The following MACF1 variants were observed in gnomAD, a reference collection of about 807,000 sequenced individuals.
MACF1 encodes the protein microtubule-actin cross-linking factor 1.
A neutral mutation model predicts 854.8 loss-of-function variants in MACF1; 193 were observed. The observed-to-expected ratio is 0.23, with a 90% confidence interval of 0.20 to 0.25. The LOEUF is 0.25. MACF1 is among the 10% of genes least tolerant of loss of function. MACF1 has a pLI of 1.00. For missense variants in MACF1, 7,722 were observed against 8,929.1 expected (o/e 0.86, Z 5.45); for synonymous variants, 3,185 against 3,226.7 (o/e 0.99, Z 0.44).
chr1:39,254,075 G>A, intron 4 of MACF1: 2 of 505,324 alleles, frequency 4.0e-6, no homozygotes, highest in Non-Finnish European at 7.1e-6. Context: ...TTCTGTGTTT[G>A]CGAGATGCGT....
chr1:39,179,666 G>T (rs1428035867), intron 2 of MACF1, among the ~76,000 whole-genome samples: 1 of 152,138 alleles, frequency 6.6e-6, no homozygotes, highest in Non-Finnish European at 1.5e-5. Context: ...GACTGTCTCG[G>T]TTAGCCTTTT....
intron 2 of MACF1, among the ~76,000 whole-genome samples, chr1:39,091,077 A>C (rs116773782): frequency 0.029 from 4,450 of 152,310 alleles, 112 homozygotes; most frequent in Non-Finnish European, 0.049. Context: ...GCTACAGGGA[A>C]GGTCTGAAGC....
intron 2 of MACF1, among the ~76,000 whole-genome samples, chr1:39,198,336 C>CT (rs751670406): frequency 1.6e-4 from 25 of 151,952 alleles, no homozygotes; most frequent in Non-Finnish European, 3.5e-4. Flanking sequence ...TGGTGAAACT[C>CT]TGACTCTACT....
At position 39,452,203 on chromosome 1, in the gene MACF1, G is replaced by T. The variant is rs1438641356; in HGVS notation, c.20466G>T (p.Leu6822=). 1.2e-5 allele frequency: 19 copies of T among 1,614,024 alleles called. No individual in the cohort carries two copies. Among genetic ancestry groups the T allele is most frequent in the Non-Finnish European group, 1.6e-5 (19 of 1,179,982 alleles). The change falls in exon 86 of 101, where the codon CTG becomes CTT. Residue 6822 remains leucine, a synonymous_variant. Transcript: ENST00000564288. ...LGKRTGTVQV[L]KRSGRELIEN... is the part of the protein sequence containing the mutation. The stretch of plus-strand genomic sequence containing the variant: ...AGCGAACAGGAACCGTTCAGGTCCT[G>T]AAGCGGTCAGGCCGAGAGCTGATTG...
chr1:39,395,839 C>T (rs1483043292), intron 58 of MACF1, among the ~76,000 whole-genome samples: 1 of 152,150 alleles, frequency 6.6e-6, no homozygotes, highest in Non-Finnish European at 1.5e-5. Flanking sequence ...GAACCTTTTC[C>T]AGCTCCCTTT....
chr1:39,385,923 C>G lies in MACF1; in HGVS notation c.14338C>G (p.Leu4780Val), dbSNP rs1293163192. 2 of 1,603,478 alleles carry G rather than the reference C, an allele frequency of 1.2e-6. No individual in the cohort carries two copies. The highest frequency in any genetic ancestry group is 2.2e-5 in the East Asian group (1 of 44,692). The change falls in exon 57 of 101, where the codon CTT (leucine) becomes GTT (valine). Residue 4780 changes from leucine to valine, a missense_variant. Leu to Val is a conservative substitution (Grantham distance 32). This residue lies in a region of MACF1 where 2,807 missense variants were observed against 3,235.8 expected (regional missense o/e 0.87). Transcript: ENST00000564288. ...CCTGCCTCTCCAAGGTTTAGAAGAC[C>G]TTGCAGGTAAGTTGGGGTGAAGAAC... ...VALPLQGLED[L>V]AADRINRLQA... is the part of the protein sequence containing the mutation.
At chr1:39,096,171 G>A (rs1363342992) in intron 2 of MACF1, among the ~76,000 whole-genome samples, 1 of 133,850 alleles carries the variant, frequency 7.5e-6, no homozygotes, top group Non-Finnish European at 1.6e-5. Flanking sequence ...GTGACACAGT[G>A]AGACCCTGTC....
chr1:39,298,254 A>G (rs1445811514), intron 21 of MACF1, among the ~76,000 whole-genome samples: 3 of 152,284 alleles, frequency 2.0e-5, no homozygotes, highest in South Asian at 4.1e-4. Flanking sequence ...TTAAAATCTT[A>G]TTTAGATGTA....
intron 2 of MACF1, among the ~76,000 whole-genome samples, chr1:39,139,730 A>G (rs1227349307): frequency 1.3e-5 from 2 of 152,182 alleles, no homozygotes; most frequent in Non-Finnish European, 1.5e-5. Context: ...AAGTTATATC[A>G]TCTTTCTGAA....
In MACF1 at chr1:39,486,571, G is replaced by T. The variant is rs1645103001; in HGVS notation, c.*777G>T. 1 of 152,600 alleles carries T rather than the reference G, an allele frequency of 6.6e-6. No individual in the cohort carries two copies. The highest frequency in any genetic ancestry group is 6.5e-5 in the Admixed American group (1 of 15,290). The allele number at this position is 152,600 out of a possible 1,614,324, so 9.5% of individuals were successfully genotyped here. On this transcript the variant is annotated 3_prime_UTR_variant, in exon 101 of 101. Transcript: ENST00000564288. The stretch of plus-strand genomic sequence containing the variant: ...ACCAGGACCCAGACCCTTGGCAAGG[G>T]ATAGGCTCGTTGGTGACATTGTGAA...
At chr1:39,113,141 C>T (rs1162055984) in intron 2 of MACF1, among the ~76,000 whole-genome samples, 4 of 152,130 alleles carry the variant, frequency 2.6e-5, no homozygotes, top group African/African-American at 4.8e-5. Context: ...ACTGGCATTC[C>T]AGACCCTCCT....
chr1:39,191,930 C>T (rs1432011162), intron 2 of MACF1, among the ~76,000 whole-genome samples: 1 of 152,116 alleles, frequency 6.6e-6, no homozygotes, highest in Non-Finnish European at 1.5e-5. Context: ...GCAGGTGGAT[C>T]ACTTGAGGCC....
intron 2 of MACF1, among the ~76,000 whole-genome samples, chr1:39,102,058 C>G (rs1246778693): frequency 2.6e-5 from 4 of 151,732 alleles, no homozygotes; most frequent in African/African-American, 4.8e-5. Flanking sequence ...CGCCTGTAGT[C>G]CCAGCTACTC....
intron 6 of MACF1, among the ~76,000 whole-genome samples, chr1:39,276,627 T>A (rs1029277325): frequency 6.6e-6 from 1 of 152,190 alleles, no homozygotes; most frequent in Admixed American, 6.5e-5. Context: ...GATGAGTTTA[T>A]ATGGTACTTC....
At chr1:39,432,401 C>A in intron 66 of MACF1, 134 bp from the exon 67 acceptor site, 1 of 645,214 alleles carries the variant, frequency 1.5e-6, no homozygotes, top group Non-Finnish European at 2.5e-6. Context: ...GAAATTCTTC[C>A]CAGTTTTGAC....
In MACF1 at chr1:39,322,613, T is replaced by C; in HGVS notation, c.4035T>C (p.Tyr1345=). 6.2e-7 allele frequency: 1 copy of C among 1,613,322 alleles called. No individual in the cohort carries two copies. The highest frequency in any genetic ancestry group is 8.5e-7 in the Non-Finnish European group (1 of 1,179,262). The change falls in exon 32 of 101, where the codon TAT becomes TAC. Residue 1345 remains tyrosine (Y), a synonymous_variant. Transcript: ENST00000564288. ...CGAAATTCATCCTTTCCTAGGACTA[T>C]GAATTGCAACTGATGACATACAAGG... ...SQQYSTIVKD[Y]ELQLMTYKAF...
intron 2 of MACF1, among the ~76,000 whole-genome samples, chr1:39,092,195 CT>C (rs1430489192): frequency 2.0e-5 from 3 of 152,200 alleles, no homozygotes; most frequent in Non-Finnish European, 4.4e-5. Flanking sequence ...TCTTGCTCTC[CT>C]TTCTTTGGCT....
chr1:39,211,206 G>A (rs1644511338), intron 1 of MACF1, among the ~76,000 whole-genome samples: 1 of 152,008 alleles, frequency 6.6e-6, no homozygotes, highest in Non-Finnish European at 1.5e-5. Context: ...GACCTCAAGT[G>A]ATCCGTCCAT....
chr1:39,322,802 C>T lies in MACF1; in HGVS notation c.4137+87C>T, dbSNP rs886499337. 8 of 1,520,054 alleles carry T rather than the reference C, an allele frequency of 5.3e-6. 1 individual carries two copies. Among genetic ancestry groups the T allele is most frequent in the South Asian group, 4.5e-5 (4 of 89,146 alleles). 94.2% of individuals were successfully genotyped at this position (1,520,054 alleles called of 1,614,324 possible). On this transcript the variant is annotated intron_variant, in intron 32 of 100. Transcript: ENST00000564288. Reference sequence around the variant, plus strand: ...GGGCCTTACATTTTGATTTAGGGCTCACTTTTCTGGTGAACATGTGACTGC... The same window carrying T: ...GGGCCTTACATTTTGATTTAGGGCTTACTTTTCTGGTGAACATGTGACTGC...
Sources: gnomAD v4.1 joint callset for allele counts (sites outside exome capture counted in the v4.1 genomes callset) on GRCh38, gnomAD v4.1.1 for gene constraint, gnomAD v4.1.1 regional missense constraint, MANE v1.5 for transcripts, NCBI Gene and HGNC (gene_info 2026-07-23, HGNC 2026-07-21) for gene names.